Variants in DPYSL3 observed in about 807,000 individuals in gnomAD.
DPYSL3 encodes dihydropyrimidinase like 3.
DPYSL3 carries 16 observed loss-of-function variants against 66.1 expected under a neutral mutation model. The observed-to-expected ratio is 0.24, with a 90% CI of 0.16 to 0.37. The LOEUF (loss-of-function observed/expected upper bound fraction) is 0.37, where lower values mean the gene tolerates loss of function less well. Ranked by LOEUF, DPYSL3 falls within the 10% of genes least tolerant of loss-of-function variation. DPYSL3 has a pLI of 1.00. For missense variants in DPYSL3, 738 were observed against 916.2 expected, an observed-to-expected ratio of 0.81 and a Z score of 2.51; for synonymous variants, 338 against 345.1, an observed-to-expected ratio of 0.98 and a Z score of 0.23.
chr5:147,401,755 A>G (rs1468483294), intron 8 of DPYSL3, 59 bp from the exon 9 acceptor site: 30 of 1,594,000 alleles, frequency 1.9e-5, no homozygotes, highest in Non-Finnish European at 2.4e-5. Flanking sequence ...CACTGGGCCA[A>G]GCCTATTTAA....
chr5:147,397,078 A>G lies in DPYSL3; in HGVS notation c.1803+588T>C, dbSNP rs188489028. Among the ~76,000 whole-genome samples, 1,298 of 148,020 alleles carry G rather than the reference A, an allele frequency of 8.8e-3. 19 individuals are homozygous for G. The highest frequency in any genetic ancestry group is 0.03 in the African/African-American group (1,238 of 40,830). Reference sequence around the variant, plus strand: ...ATATTTATATATTAAGTATATATAAATATAATACATATATTGTAAATATAT... The same window carrying G: ...ATATTTATATATTAAGTATATATAAGTATAATACATATATTGTAAATATAT... On this transcript the variant is annotated intron_variant, in intron 12 of 13. Coordinates refer to ENST00000343218, the MANE Select transcript of DPYSL3 (RefSeq NM_001197294.2).
rs75982120 is a variant in DPYSL3 at position 147,390,935 on chromosome 5, G to A, written c.*3100C>T. Reference sequence around the variant, plus strand: ...CGGTTCAAACCAAACAGCTCTTCACGTTCCAGAGCTGCCTCACAGCTAGCA... The same window carrying A: ...CGGTTCAAACCAAACAGCTCTTCACATTCCAGAGCTGCCTCACAGCTAGCA... On this transcript the variant is annotated 3_prime_UTR_variant, in exon 14 of 14. Coordinates refer to ENST00000343218, the MANE Select transcript of DPYSL3 (RefSeq NM_001197294.2). 3,117 of 152,712 alleles carry A rather than the reference G, an allele frequency of 0.02. 106 individuals carry two copies. The highest frequency in any genetic ancestry group is 0.066 in the African/African-American group (2,725 of 41,536). The allele number at this position is 152,712 out of a possible 1,614,324, so 9.5% of individuals were successfully genotyped here.
chr5:147,445,447 G>T (rs1191917713), intron 1 of DPYSL3, among the ~76,000 whole-genome samples: 2 of 152,188 alleles, frequency 1.3e-5, no homozygotes, highest in African/African-American at 4.8e-5. Flanking sequence ...ACACTTTCAG[G>T]TGATCTTCTC....
At chr5:147,441,967 TTC>T (rs1752540489) in intron 1 of DPYSL3, among the ~76,000 whole-genome samples, 2 of 152,198 alleles carry the variant, frequency 1.3e-5, no homozygotes, top group Admixed American at 1.3e-4. Flanking sequence ...CCTCTAAGTT[TTC>T]TGAGGCCCTT....
At chr5:147,447,489 C>G (rs1211523706) in intron 1 of DPYSL3, among the ~76,000 whole-genome samples, 1 of 152,192 alleles carries the variant, frequency 6.6e-6, no homozygotes, top group Non-Finnish European at 1.5e-5. Context: ...ATTTGTTTCT[C>G]ATTTGCCTAG....
At chr5:147,483,592 T>C (rs1357483048) in intron 1 of DPYSL3, among the ~76,000 whole-genome samples, 1 of 152,206 alleles carries the variant, frequency 6.6e-6, no homozygotes, top group Non-Finnish European at 1.5e-5. Context: ...CAAAAATTGG[T>C]AATGAGCATT....
intron 1 of DPYSL3, among the ~76,000 whole-genome samples, chr5:147,475,402 C>T (rs1402103887): frequency 1.2e-4 from 19 of 152,126 alleles, no homozygotes; most frequent in East Asian, 7.7e-4. Flanking sequence ...CAAAATAAAA[C>T]GTTAAAATAA....
chr5:147,396,221 G>A (rs1757965919), intron 12 of DPYSL3, among the ~76,000 whole-genome samples: 1 of 152,184 alleles, frequency 6.6e-6, no homozygotes, highest in South Asian at 2.1e-4. Flanking sequence ...ACACACCAGG[G>A]TGGGCAGGCC....
chr5:147,449,823 G>GT (rs1218280462), intron 1 of DPYSL3, among the ~76,000 whole-genome samples: 11 of 152,192 alleles, frequency 7.2e-5, no homozygotes, highest in Admixed American at 6.5e-4. Flanking sequence ...AAGTTGTAAC[G>GT]TATGTCAGAG....
intron 1 of DPYSL3, among the ~76,000 whole-genome samples, chr5:147,449,518 C>A (rs1752687845): frequency 6.6e-6 from 1 of 152,220 alleles, no homozygotes; most frequent in Non-Finnish European, 1.5e-5. Context: ...AGAGGGAATT[C>A]TGGAGCTGTT....
At chr5:147,444,775 A>C (rs895968540) in intron 1 of DPYSL3, among the ~76,000 whole-genome samples, 3 of 152,168 alleles carry the variant, frequency 2.0e-5, no homozygotes, top group Non-Finnish European at 4.4e-5. Flanking sequence ...AATGTAGCTC[A>C]GAGAAAGCTG....
intron 1 of DPYSL3, among the ~76,000 whole-genome samples, chr5:147,488,186 C>T (rs1168297480): frequency 6.6e-6 from 1 of 152,176 alleles, no homozygotes. Context: ...TACATCTTTC[C>T]TCTTTAGTCC....
At chr5:147,423,997 C>T (rs1432646471) in intron 2 of DPYSL3, among the ~76,000 whole-genome samples, 2 of 152,138 alleles carry the variant, frequency 1.3e-5, no homozygotes, top group East Asian at 3.9e-4. Flanking sequence ...GGATTACAGG[C>T]ACTTAATTAC....
Position 147,415,886 on chromosome 5 carries a change from G to T in DPYSL3, c.656-13C>A. On this transcript the variant is annotated splice_polypyrimidine_tract_variant and intron_variant, in intron 3 of 13. Coordinates refer to ENST00000343218, the MANE Select transcript of DPYSL3 (RefSeq NM_001197294.2). Reference sequence around the variant, plus strand: ...ACCACATGGTCAACTGAATGACAGAGACCCCAGATGAGTCACTCTCAGACA... The same window carrying T: ...ACCACATGGTCAACTGAATGACAGATACCCCAGATGAGTCACTCTCAGACA... 6.2e-7 allele frequency: 1 copy of T among 1,612,098 alleles called. No homozygotes were observed. Among genetic ancestry groups the T allele is most frequent in the East Asian group, 2.2e-5 (1 of 44,826 alleles).
intron 2 of DPYSL3, among the ~76,000 whole-genome samples, chr5:147,423,483 A>G (rs1029285340): frequency 2.0e-5 from 3 of 152,222 alleles, no homozygotes; most frequent in Admixed American, 6.5e-5. Flanking sequence ...GCTGATTGAG[A>G]GAAAGCATGC....
At chr5:147,498,452 C>A (rs1753554482) in intron 1 of DPYSL3, among the ~76,000 whole-genome samples, 1 of 152,100 alleles carries the variant, frequency 6.6e-6, no homozygotes, top group Admixed American at 6.6e-5. Flanking sequence ...GGGTGTATAG[C>A]CAGTAATGAG....
intron 1 of DPYSL3, among the ~76,000 whole-genome samples, chr5:147,495,414 A>C (rs901993995): frequency 6.6e-6 from 1 of 152,176 alleles, no homozygotes; most frequent in Non-Finnish European, 1.5e-5. Context: ...TAGGCAGGAG[A>C]AGGAAATAAA....
intron 1 of DPYSL3, among the ~76,000 whole-genome samples, chr5:147,492,260 C>T (rs191293456): frequency 1.3e-5 from 2 of 151,902 alleles, no homozygotes; most frequent in Non-Finnish European, 2.9e-5. Flanking sequence ...AGTAGAGTGG[C>T]CTTCCAAGAA....
chr5:147,443,867 A>G (rs559156687), intron 1 of DPYSL3, among the ~76,000 whole-genome samples: 2 of 152,270 alleles, frequency 1.3e-5, no homozygotes, highest in South Asian at 4.1e-4. Flanking sequence ...TAAGTATAAC[A>G]GTGTGGAGCA....
Sources: gnomAD v4.1 joint callset for allele counts (sites outside exome capture counted in the v4.1 genomes callset) on GRCh38, gnomAD v4.1.1 for gene constraint, MANE v1.5 for transcripts, NCBI Gene and HGNC (gene_info 2026-07-23, HGNC 2026-07-21) for gene names.